Variants in TPTE observed in about 807,000 individuals in gnomAD.
The protein encoded by TPTE is putative tyrosine-protein phosphatase TPTE.
In TPTE, 59 loss-of-function variants were observed where a neutral mutation model predicts 84.1. That is an observed-to-expected ratio of 0.70 (90% confidence interval 0.57 to 0.87). The LOEUF is 0.87. Among genes scored for constraint, TPTE ranks in the 40% least tolerant of loss-of-function variants. The probability of loss-of-function intolerance (pLI) is 0.00; values close to 1 mark genes in which losing one functional copy is unlikely to be tolerated. For synonymous variants in TPTE, 130 were observed against 223.5 expected (o/e 0.58, Z 3.73); for missense variants, 382 against 659.6 (o/e 0.58, Z 4.61).
At chr21:10,535,850 T>TA (rs1249015733) in intron 3 of TPTE, among the ~76,000 whole-genome samples, 1 of 152,304 alleles carries the variant, frequency 6.6e-6, no homozygotes, top group Non-Finnish European at 1.5e-5. Flanking sequence ...GGCCTACAGC[T>TA]ACATGGTCAT....
chr21:10,541,855 C>G (rs1324489071), intron 5 of TPTE, among the ~76,000 whole-genome samples: 4 of 152,306 alleles, frequency 2.6e-5, no homozygotes, highest in Non-Finnish European at 2.9e-5. Flanking sequence ...CAGAAAGCAA[C>G]AGAGCTATGA....
At chr21:10,592,805 G>GGTGTGGGT (rs2075507594) in intron 19 of TPTE, among the ~76,000 whole-genome samples, 1 of 148,852 alleles carries the variant, frequency 6.7e-6, no homozygotes, top group Non-Finnish European at 1.5e-5. Context: ...GATGACTCCT[G>GGTGTGGGT]GTGTGTGTGT....
chr21:10,593,954 C>CAAACA (rs113374522), intron 19 of TPTE, among the ~76,000 whole-genome samples: 1,603 of 149,698 alleles, frequency 0.011, no homozygotes, highest in African/African-American at 0.037. Context: ...ACCCAAGCCC[C>CAAACA]AAACAAAACA....
At chr21:10,550,229 A>G (rs1219828731) in intron 7 of TPTE, among the ~76,000 whole-genome samples, 1 of 152,308 alleles carries the variant, frequency 6.6e-6, no homozygotes, top group African/African-American at 2.4e-5. Context: ...AAACCTCCTC[A>G]CCTACCAATA....
chr21:10,533,067 T>C (rs1326109219), intron 3 of TPTE, among the ~76,000 whole-genome samples: 1 of 152,306 alleles, frequency 6.6e-6, no homozygotes, highest in Non-Finnish European at 1.5e-5. Context: ...TTTCATTTCT[T>C]CTTAGATTTC....
chr21:10,597,315 T>A, intron 20 of TPTE, among the ~76,000 whole-genome samples: 1 of 152,430 alleles, frequency 6.6e-6, no homozygotes, highest in African/African-American at 2.4e-5. Flanking sequence ...CAGTATTTAT[T>A]ATTAAGAATC....
intron 23 of TPTE, among the ~76,000 whole-genome samples, chr21:10,604,063 A>G (rs1042997083): frequency 1.3e-5 from 2 of 152,310 alleles, no homozygotes; most frequent in Admixed American, 1.3e-4. Flanking sequence ...TGAAAAGCTG[A>G]CTGACACACT....
intron 3 of TPTE, among the ~76,000 whole-genome samples, chr21:10,537,823 G>C (rs2145605858): frequency 6.6e-6 from 1 of 152,426 alleles, no homozygotes; most frequent in South Asian, 2.1e-4. Flanking sequence ...AGGTACAGCA[G>C]AGAAATATAA....
At chr21:10,537,140 A>G (rs1322778696) in intron 3 of TPTE, among the ~76,000 whole-genome samples, 2 of 152,308 alleles carry the variant, frequency 1.3e-5, no homozygotes, top group African/African-American at 2.4e-5. Context: ...GATGGGGTCA[A>G]GGGGATTTGT....
intron 10 of TPTE, among the ~76,000 whole-genome samples, chr21:10,564,321 C>G (rs1194097746): frequency 9.8e-5 from 15 of 152,416 alleles, no homozygotes; most frequent in African/African-American, 3.1e-4. Context: ...ACCAGCCTGG[C>G]CAATATGGTG....
intron 7 of TPTE, among the ~76,000 whole-genome samples, chr21:10,544,920 T>G (rs1390372701): frequency 6.6e-6 from 1 of 152,310 alleles, no homozygotes; most frequent in Non-Finnish European, 1.5e-5. Context: ...CATTAAGTTT[T>G]TTTCACAGGC....
chr21:10,557,667 G>A (rs1485799016), intron 8 of TPTE, among the ~76,000 whole-genome samples: 4 of 152,306 alleles, frequency 2.6e-5, no homozygotes, highest in Non-Finnish European at 5.9e-5. Flanking sequence ...CAGGTGGAGA[G>A]GGGAAGATTA....
chr21:10,528,641 T>A (rs562132584), intron 3 of TPTE, among the ~76,000 whole-genome samples: 2 of 152,306 alleles, frequency 1.3e-5, no homozygotes, highest in Non-Finnish European at 2.9e-5. Context: ...TTATAACTGA[T>A]GCTGTTTGTG....
chr21:10,544,125 T>A (rs1446858270), intron 7 of TPTE, among the ~76,000 whole-genome samples: 1 of 152,302 alleles, frequency 6.6e-6, no homozygotes, highest in Non-Finnish European at 1.5e-5. Context: ...AAGGTGTAAG[T>A]AATATGGAAA....
intron 14 of TPTE, among the ~76,000 whole-genome samples, chr21:10,574,185 C>T (rs1159071183): frequency 1.3e-5 from 2 of 152,310 alleles, no homozygotes; most frequent in South Asian, 2.1e-4. Flanking sequence ...CTGTGAAATG[C>T]CAGCTGAAAG....
intron 21 of TPTE, among the ~76,000 whole-genome samples, chr21:10,599,562 A>G (rs1809495728): frequency 6.6e-6 from 1 of 152,310 alleles, no homozygotes. Context: ...TTTCTTTGTA[A>G]ACTATAAATC....
chr21:10,593,503 A>G (rs1282457304), intron 19 of TPTE, among the ~76,000 whole-genome samples: 2 of 152,304 alleles, frequency 1.3e-5, no homozygotes, highest in Non-Finnish European at 2.9e-5. Flanking sequence ...TATTACTTGT[A>G]ATTTGTTTAT....
intron 2 of TPTE, among the ~76,000 whole-genome samples, chr21:10,525,615 C>T (rs1412519564): frequency 1.3e-5 from 2 of 152,310 alleles, no homozygotes; most frequent in East Asian, 3.8e-4. Context: ...AAAGGTGTAG[C>T]TAACCTTCAG....
chr21:10,556,798 A>T (rs2074692773), intron 8 of TPTE, among the ~76,000 whole-genome samples: 2 of 152,304 alleles, frequency 1.3e-5, no homozygotes, highest in South Asian at 4.1e-4. Context: ...GCCAGTGATG[A>T]TGAGCATTTT....
Sources: gnomAD v4.1 joint callset for allele counts (sites outside exome capture counted in the v4.1 genomes callset) on GRCh38, gnomAD v4.1.1 for gene constraint, MANE v1.5 for transcripts, NCBI Gene and HGNC (gene_info 2026-07-23, HGNC 2026-07-21) for gene names.